CNOT4: variants seen among roughly 807,000 people sequenced by gnomAD.
CNOT4 encodes the protein CCR4-associated factor 4.
A neutral mutation model predicts 73.8 loss-of-function variants in CNOT4; 8 were observed. The ratio of observed to expected loss-of-function variants is 0.11; its 90% CI spans 0.06 to 0.20. The LOEUF is 0.20. Ranked by LOEUF, CNOT4 falls within the 10% of genes least tolerant of loss-of-function variation. The pLI is 1.00. For synonymous variants in CNOT4, 293 were observed against 321.1 expected (o/e 0.91, Z 0.94); for missense variants, 564 against 883.4 (o/e 0.64, Z 4.58).
intron 1 of CNOT4, among the ~76,000 whole-genome samples, chr7:135,490,346 G>T (rs1803026159): frequency 3.3e-5 from 5 of 152,154 alleles, no homozygotes; most frequent in Admixed American, 2.6e-4. Context: ...ATTTCCATCT[G>T]GGAGTATGAG....
intron 1 of CNOT4, among the ~76,000 whole-genome samples, chr7:135,467,897 T>C (rs985486631): frequency 6.6e-5 from 10 of 152,094 alleles, no homozygotes; most frequent in Non-Finnish European, 1.2e-4. Flanking sequence ...TTTAAAGTCA[T>C]TTATTGGTTT....
intron 1 of CNOT4, among the ~76,000 whole-genome samples, chr7:135,465,443 A>T (rs1801156571): frequency 6.6e-6 from 1 of 152,242 alleles, no homozygotes; most frequent in Non-Finnish European, 1.5e-5. Flanking sequence ...TCTCCAATGG[A>T]TGCCTGAAGT....
chr7:135,491,123 GA>G (rs1298556519), intron 1 of CNOT4, among the ~76,000 whole-genome samples: 1 of 152,174 alleles, frequency 6.6e-6, no homozygotes, highest in Non-Finnish European at 1.5e-5. Flanking sequence ...GTTTGGGAGG[GA>G]AAAGCAAGAA....
chr7:135,427,203 G>GTTTC (rs1197997692), intron 2 of CNOT4, among the ~76,000 whole-genome samples: 1 of 152,022 alleles, frequency 6.6e-6, no homozygotes, highest in African/African-American at 2.4e-5. Flanking sequence ...GTGTAGTTAT[G>GTTTC]TTTCCACTTT....
At chr7:135,383,389 T>TA (rs925949546) in intron 10 of CNOT4, among the ~76,000 whole-genome samples, 7 of 152,210 alleles carry the variant, frequency 4.6e-5, no homozygotes, top group African/African-American at 1.7e-4. Context: ...TGGGGCTGCT[T>TA]ACTTATAGCT....
chr7:135,425,398 T>C (rs1798436729), intron 2 of CNOT4, among the ~76,000 whole-genome samples: 1 of 152,074 alleles, frequency 6.6e-6, no homozygotes, highest in South Asian at 2.1e-4. Context: ...GTAAGAAAAA[T>C]CAGGTTGCAA....
Position 135,453,359 on chromosome 7 carries a change from T to G in CNOT4, c.-92-14936A>C, listed in dbSNP as rs546895742. On this transcript the variant is annotated intron_variant, in intron 1 of 11. Transcript: ENST00000541284. The stretch of plus-strand genomic sequence containing the variant: ...TTTAGCCAAACTGTCAGCTAGTCAC[T>G]TACATTCTACCACCTCCTAAATTCT... Among the ~76,000 whole-genome samples, 8 of 152,222 alleles carry G rather than the reference T, an allele frequency of 5.3e-5. No homozygotes were observed. The South Asian group carries it at 1.7e-3, about 32-fold the overall frequency.
At chr7:135,487,948 T>C (rs1802843716) in intron 1 of CNOT4, among the ~76,000 whole-genome samples, 1 of 151,910 alleles carries the variant, frequency 6.6e-6, no homozygotes, top group African/African-American at 2.4e-5. Context: ...TCCCAGCTAC[T>C]CGGGAGGCTG....
chr7:135,429,134 G>A (rs1028910789), intron 2 of CNOT4, among the ~76,000 whole-genome samples: 7 of 152,068 alleles, frequency 4.6e-5, no homozygotes, highest in Admixed American at 2.0e-4. Flanking sequence ...GTTTATAATG[G>A]CTCAATATAC....
intron 7 of CNOT4, among the ~76,000 whole-genome samples, chr7:135,402,957 G>T (rs944444258): frequency 5.9e-5 from 9 of 151,914 alleles, no homozygotes; most frequent in Non-Finnish European, 1.2e-4. Context: ...CATAGTAGAA[G>T]AATCAAAGAA....
At chr7:135,371,825 T>C (rs1361352823) in intron 10 of CNOT4, among the ~76,000 whole-genome samples, 1 of 152,044 alleles carries the variant, frequency 6.6e-6, no homozygotes, top group Non-Finnish European at 1.5e-5. Flanking sequence ...ACAGACTGGA[T>C]CAGATGAGAC....
chr7:135,490,311 A>G (rs1049422602), intron 1 of CNOT4, among the ~76,000 whole-genome samples: 2 of 152,232 alleles, frequency 1.3e-5, no homozygotes, highest in African/African-American at 4.8e-5. Context: ...ATTCAAATAG[A>G]GCGAAAAGTC....
chr7:135,486,350 A>G (rs4732125), intron 1 of CNOT4, among the ~76,000 whole-genome samples: 34,349 of 152,088 alleles, frequency 0.23, 4,408 homozygotes, highest in East Asian at 0.52. Flanking sequence ...AAACACCACA[A>G]TAAAATATCA....
At chr7:135,506,602 C>T (rs1298551051) in intron 1 of CNOT4, among the ~76,000 whole-genome samples, 1 of 152,156 alleles carries the variant, frequency 6.6e-6, no homozygotes, top group East Asian at 1.9e-4. Flanking sequence ...GTAATCCCAA[C>T]CCTTTGGGAG....
intron 10 of CNOT4, chr7:135,388,090 T>A (rs1796213139): frequency 2.0e-6 from 2 of 985,140 alleles, no homozygotes; most frequent in Admixed American, 1.2e-4. Context: ...TTTTGAGGCA[T>A]TTCCTGGTAT....
intron 1 of CNOT4, among the ~76,000 whole-genome samples, chr7:135,482,796 C>T (rs776050334): frequency 2.6e-5 from 4 of 151,628 alleles, no homozygotes; most frequent in African/African-American, 9.7e-5. Flanking sequence ...GCCTGGCCAA[C>T]GTGGTGAAAC....
intron 1 of CNOT4, among the ~76,000 whole-genome samples, chr7:135,505,501 G>A (rs955076496): frequency 3.9e-5 from 6 of 152,136 alleles, no homozygotes; most frequent in South Asian, 4.1e-4. Context: ...TCAGTGAGCC[G>A]AGATCGTGCA....
intron 1 of CNOT4, among the ~76,000 whole-genome samples, chr7:135,495,758 G>GAA (rs1563083654): frequency 1.6e-5 from 2 of 123,312 alleles, no homozygotes; most frequent in African/African-American, 3.2e-5. Context: ...AAGAAAGAAA[G>GAA]AAAGAAATTT....
At chr7:135,417,154 T>C (rs374693033) in intron 3 of CNOT4, among the ~76,000 whole-genome samples, 2 of 152,136 alleles carry the variant, frequency 1.3e-5, no homozygotes, top group East Asian at 1.9e-4. Flanking sequence ...CTTTATTACA[T>C]AGGATAAAAT....
Sources: allele counts gnomAD v4.1 joint callset (sites outside exome capture counted in the v4.1 genomes callset), GRCh38; gene constraint gnomAD v4.1.1; transcripts MANE v1.5; gene names NCBI Gene and HGNC (gene_info 2026-07-23, HGNC 2026-07-21).